Variants in KCNT2 observed in about 807,000 individuals in gnomAD.
KCNT2 encodes potassium channel subfamily T member 2.
Under a neutral mutation model 153.8 loss-of-function variants are expected in KCNT2, and 67 were observed. The observed-to-expected ratio is 0.44, with a 90% confidence interval of 0.36 to 0.53. KCNT2 has a LOEUF of 0.53. KCNT2 is among the 20% of genes least tolerant of loss of function. The probability of loss-of-function intolerance (pLI) is 0.00; values close to 1 mark genes in which losing one functional copy is unlikely to be tolerated. For synonymous variants in KCNT2, 500 were observed against 458.8 expected (o/e 1.09, Z -1.15); for missense variants, 975 against 1,354.8 (o/e 0.72, Z 4.40).
At chr1:196,335,133 C>T (rs1359227655) in intron 16 of KCNT2, among the ~76,000 whole-genome samples, 1 of 152,140 alleles carries the variant, frequency 6.6e-6, no homozygotes. Context: ...CATCATATTT[C>T]ATAATTACTT....
chr1:196,551,001 C>T (rs891188611), intron 1 of KCNT2, among the ~76,000 whole-genome samples: 5 of 151,792 alleles, frequency 3.3e-5, no homozygotes, highest in Non-Finnish European at 7.4e-5. Flanking sequence ...ACTATGCTGT[C>T]TCAGTTCACA....
intron 1 of KCNT2, among the ~76,000 whole-genome samples, chr1:196,515,626 AACG>A (rs905849425): frequency 2.8e-4 from 43 of 152,334 alleles, no homozygotes; most frequent in African/African-American, 1.0e-3. Context: ...ATTAAAAAAC[AACG>A]ACAACAATAA....
intron 14 of KCNT2, among the ~76,000 whole-genome samples, chr1:196,350,936 C>T (rs1358896740): frequency 6.6e-6 from 1 of 152,120 alleles, no homozygotes; most frequent in African/African-American, 2.4e-5. Flanking sequence ...AGCCAGTTTT[C>T]CCAGCACCAT....
At chr1:196,489,763 G>A (rs915169661) in intron 3 of KCNT2, 75 bp downstream of exon 3, 143 of 838,752 alleles carry the variant, frequency 1.7e-4, no homozygotes, top group African/African-American at 3.6e-4. Flanking sequence ...TACACAACAT[G>A]CTTTAAATTT....
intron 27 of KCNT2, among the ~76,000 whole-genome samples, chr1:196,234,870 T>G (rs762629086): frequency 1.3e-5 from 2 of 151,398 alleles, no homozygotes; most frequent in African/African-American, 2.4e-5. Flanking sequence ...GCATTTGTTT[T>G]ATGTCAGTAA....
intron 8 of KCNT2, among the ~76,000 whole-genome samples, chr1:196,452,305 C>A (rs1676284296): frequency 6.6e-6 from 1 of 151,960 alleles, no homozygotes; most frequent in Non-Finnish European, 1.5e-5. Flanking sequence ...GAACTAATAA[C>A]CCACCTTTAT....
At chr1:196,331,712 C>A (rs1172289583) in intron 17 of KCNT2, among the ~76,000 whole-genome samples, 1 of 151,984 alleles carries the variant, frequency 6.6e-6, no homozygotes, top group Non-Finnish European at 1.5e-5. Flanking sequence ...TGTTAACTCA[C>A]AGCTTAGAAG....
intron 10 of KCNT2, 119 bp from the exon 11 acceptor site, chr1:196,426,107 T>C: frequency 1.3e-6 from 1 of 748,868 alleles, no homozygotes; most frequent in Non-Finnish European, 2.1e-6. Context: ...GAACTTTTGC[T>C]AATAAAATTT....
chr1:196,316,019 C>T lies in KCNT2; in HGVS notation c.2356G>A (p.Asp786Asn). Residue 786 changes from aspartate to asparagine, a missense_variant, in exon 21 of 28, where the codon GAC (aspartate) becomes AAC (asparagine). Physicochemically the swap from Asp to Asn is conservative, Grantham distance 23. Around this residue, in one of 6 missense-constraint regions of KCNT2, gnomAD observed 325 missense variants for 388.1 expected, o/e 0.84. Coordinates refer to ENST00000294725, the MANE Select transcript of KCNT2 (RefSeq NM_198503.5). ...YMVGSIDNLD[D>N]LLRCGVTFAA... Reference sequence around the variant, plus strand: ...AAAGTCACTCCACACCTGAGTAAGTCATCTAGGCTTTGATAAAAATCAACA... The same window carrying T: ...AAAGTCACTCCACACCTGAGTAAGTTATCTAGGCTTTGATAAAAATCAACA... The T allele has an allele frequency of 1.2e-6, 2 of 1,609,218 alleles. No individual in the cohort carries two copies. The highest frequency in any genetic ancestry group is 1.7e-6 in the Non-Finnish European group (2 of 1,177,200).
At chr1:196,457,537 C>T (rs1472217785) in intron 8 of KCNT2, among the ~76,000 whole-genome samples, 1 of 142,954 alleles carries the variant, frequency 7.0e-6, no homozygotes, top group Non-Finnish European at 1.5e-5. Flanking sequence ...AAAAAAAAAG[C>T]AACTCCCTGA....
intron 25 of KCNT2, among the ~76,000 whole-genome samples, chr1:196,259,852 A>T (rs1378277190): frequency 5.9e-5 from 9 of 151,966 alleles, no homozygotes; most frequent in African/African-American, 1.7e-4. Flanking sequence ...TATCTACCAG[A>T]ACTTAATTTC....
chr1:196,510,413 C>A (rs906655150), intron 1 of KCNT2, among the ~76,000 whole-genome samples: 1 of 151,988 alleles, frequency 6.6e-6, no homozygotes, highest in Non-Finnish European at 1.5e-5. Flanking sequence ...AAGCCTGGAG[C>A]CCACACAATT....
At chr1:196,605,158 C>A (rs1213551680) in intron 1 of KCNT2, among the ~76,000 whole-genome samples, 1 of 152,174 alleles carries the variant, frequency 6.6e-6, no homozygotes, top group Non-Finnish European at 1.5e-5. Flanking sequence ...AACACAATTC[C>A]CCCATCATTA....
chr1:196,465,231 G>T, intron 8 of KCNT2, 62 bp downstream of exon 8: 1 of 864,138 alleles, frequency 1.2e-6, no homozygotes, highest in South Asian at 1.7e-5. Context: ...TTATAATATG[G>T]TTTCCTTTAG....
At chr1:196,432,711 A>G (rs1270305621) in intron 8 of KCNT2, among the ~76,000 whole-genome samples, 2 of 152,102 alleles carry the variant, frequency 1.3e-5, no homozygotes, top group African/African-American at 4.8e-5. Context: ...TTAATTTCAC[A>G]GGCTCACAGC....
chr1:196,245,605 A>G (rs1262321055), intron 26 of KCNT2, among the ~76,000 whole-genome samples: 1 of 152,202 alleles, frequency 6.6e-6, no homozygotes, highest in Non-Finnish European at 1.5e-5. Context: ...AAGAAACTCA[A>G]CAAAATTCAA....
At chr1:196,595,088 G>T (rs189903810) in intron 1 of KCNT2, among the ~76,000 whole-genome samples, 18 of 151,958 alleles carry the variant, frequency 1.2e-4, no homozygotes, top group Non-Finnish European at 2.2e-4. Flanking sequence ...CTGGAATAAT[G>T]AGCTATGCTG....
At chr1:196,508,159 A>G (rs1312334683) in intron 1 of KCNT2, among the ~76,000 whole-genome samples, 2 of 150,070 alleles carry the variant, frequency 1.3e-5, no homozygotes, top group African/African-American at 4.9e-5. Context: ...CATTAAATAA[A>G]TGAATCTTTT....
intron 1 of KCNT2, among the ~76,000 whole-genome samples, chr1:196,595,762 T>C (rs1663984204): frequency 6.6e-6 from 1 of 151,996 alleles, no homozygotes; most frequent in Non-Finnish European, 1.5e-5. Context: ...TTAGTGGTGA[T>C]TTCTGAGACT....
Sources: gnomAD v4.1 joint callset for allele counts (sites outside exome capture counted in the v4.1 genomes callset) on GRCh38, gnomAD v4.1.1 for gene constraint, gnomAD v4.1.1 regional missense constraint, MANE v1.5 for transcripts, NCBI Gene and HGNC (gene_info 2026-07-23, HGNC 2026-07-21) for gene names.